The following SPTBN1 variants were observed in gnomAD, a reference collection of about 807,000 sequenced individuals.
The protein encoded by SPTBN1 is spectrin beta, non-erythrocytic 1.
A neutral mutation model predicts 266.4 loss-of-function variants in SPTBN1; 32 were observed. That is an observed-to-expected ratio of 0.12 (90% confidence interval 0.09 to 0.16). The LOEUF is 0.16. Among genes scored for constraint, SPTBN1 ranks in the 10% least tolerant of loss-of-function variants. The pLI, the probability that SPTBN1 is intolerant of heterozygous loss-of-function variation, is 1.00. For synonymous variants in SPTBN1, 1,336 were observed against 1,162.2 expected (o/e 1.15, Z -3.04); for missense variants, 2,296 against 3,067.1 (o/e 0.75, Z 5.94).
intron 1 of SPTBN1, among the ~76,000 whole-genome samples, chr2:54,498,466 A>G (rs115140859): frequency 0.041 from 6,188 of 152,274 alleles, 173 homozygotes; most frequent in Admixed American, 0.092. Context: ...CTTGGACAAC[A>G]TTCCCTGAGC....
intron 1 of SPTBN1, among the ~76,000 whole-genome samples, chr2:54,494,757 C>T (rs2104050005): frequency 6.6e-6 from 1 of 152,194 alleles, no homozygotes; most frequent in East Asian, 1.9e-4. Flanking sequence ...GGCCAGGAGG[C>T]ATGGACTCCA....
intron 31 of SPTBN1, 85 bp from the exon 32 acceptor site, chr2:54,659,851 G>A (rs1390507114): frequency 3.3e-6 from 5 of 1,510,842 alleles, no homozygotes; most frequent in Non-Finnish European, 4.4e-6. Context: ...AAAATTGAGT[G>A]ATGATGTTCT....
Position 54,646,495 on chromosome 2 carries a change from A to G in SPTBN1, c.4866+20A>G. 5 of 1,479,574 alleles carry G rather than the reference A, an allele frequency of 3.4e-6. No individual in the cohort carries two copies. Among genetic ancestry groups the G allele is most frequent in the Non-Finnish European group, 4.5e-6 (5 of 1,115,764 alleles). 91.7% of individuals were successfully genotyped at this position (1,479,574 alleles called of 1,614,324 possible). A position where few individuals can be genotyped will look rare whatever the true frequency, so the allele number is the denominator to read the frequency against. ...GCCAAGGTGAGAGGAGGCGGGAAGC[A>G]TCCCTGTCCCAGGAGAGCCTCAGAT... is the stretch of plus-strand genomic sequence containing the variant. On this transcript the variant is annotated intron_variant, in intron 23 of 35. Transcript: ENST00000356805. This position sits in a 1 kb window ranked among gnomAD's most constrained non-coding sequence, Gnocchi z 4.4.
At chr2:54,647,818 G>C (rs545194162) in intron 24 of SPTBN1, among the ~76,000 whole-genome samples, 16 of 152,304 alleles carry the variant, frequency 1.1e-4, no homozygotes, top group Middle Eastern at 3.4e-3. Flanking sequence ...ACTCCAGCCT[G>C]GGTGACAGAG....
At chr2:54,576,977 A>G (rs1305695388) in intron 2 of SPTBN1, among the ~76,000 whole-genome samples, 1 of 152,172 alleles carries the variant, frequency 6.6e-6, no homozygotes, top group African/African-American at 2.4e-5. Context: ...GCTTGGGGGT[A>G]GGGGTGTACA....
chr2:54,505,623 C>T (rs1417213590), intron 1 of SPTBN1, among the ~76,000 whole-genome samples: 1 of 152,244 alleles, frequency 6.6e-6, no homozygotes, highest in Admixed American at 6.5e-5. Context: ...GGGGTCCTAG[C>T]TCCTGGGCTG....
At chr2:54,539,329 A>G (rs890881517) in intron 2 of SPTBN1, among the ~76,000 whole-genome samples, 3 of 152,178 alleles carry the variant, frequency 2.0e-5, no homozygotes, top group Non-Finnish European at 2.9e-5. Flanking sequence ...TGTGATACCT[A>G]TTAAAGATTT....
In SPTBN1 at chr2:54,646,400, C is replaced by G; in HGVS notation, c.4791C>G (p.Tyr1597Ter). The G allele has an allele frequency of 6.2e-7, 1 of 1,608,086 alleles. No homozygotes were observed. Among genetic ancestry groups the G allele is most frequent in the Non-Finnish European group, 8.5e-7 (1 of 1,177,372 alleles). Residue 1597 changes from tyrosine to a stop codon, truncating the protein, a stop_gained, in exon 23 of 36, where the codon TAC becomes TAG. Coordinates refer to ENST00000356805, the MANE Select transcript of SPTBN1 (RefSeq NM_003128.3). LOFTEE classifies it high-confidence loss of function. The surrounding 1 kb of genome is among the most constrained non-coding windows in gnomAD (Gnocchi z 4.4). ...AGGAGGCGCACAGGGCCCAGCAGTA[C>G]TACTTTGACGCTGCTGAGGCCGAAG... The part of the protein sequence containing the change: ...RLEEAHRAQQ[Y>*]YFDAAEAEAW...
chr2:54,507,641 C>G (rs1166305205), intron 1 of SPTBN1, among the ~76,000 whole-genome samples: 1 of 151,616 alleles, frequency 6.6e-6, no homozygotes, highest in Non-Finnish European at 1.5e-5. Flanking sequence ...TTGGGAGGAC[C>G]CAGGACATCT....
chr2:54,612,392 T>C, intron 4 of SPTBN1, 58 bp downstream of exon 4: 1 of 1,543,504 alleles, frequency 6.5e-7, no homozygotes, highest in African/African-American at 1.4e-5. Context: ...GGTATGAGCA[T>C]TGTTATAGAG....
intron 17 of SPTBN1, among the ~76,000 whole-genome samples, chr2:54,637,408 C>G (rs948845196): frequency 6.6e-6 from 1 of 152,126 alleles, no homozygotes; most frequent in Non-Finnish European, 1.5e-5. Flanking sequence ...AGGACTTGTA[C>G]AAAGCGTGTG....
At position 54,526,523 on chromosome 2, in the gene SPTBN1, C is replaced by T. The variant is rs111350284; in HGVS notation, c.105C>T (p.Ser35=). The change falls in exon 2 of 36, where the codon AGC becomes AGT. Residue 35 remains serine, a synonymous_variant. Coordinates refer to ENST00000356805, the MANE Select transcript of SPTBN1 (RefSeq NM_003128.3). The part of the protein sequence containing the change: ...WDVDDWDNEN[S]SARLFERSRI... The stretch of plus-strand genomic sequence containing the variant: ...TCGACGACTGGGACAATGAGAACAG[C>T]TCTGCGCGGCTTTTTGAGCGGTCCC... 1.6e-4 allele frequency: 255 copies of T among 1,614,196 alleles called. 2 individuals are homozygous for T. The African/African-American group carries it at 2.9e-3, about 18-fold the overall frequency.
At chr2:54,599,007 G>A in intron 2 of SPTBN1, 85 bp from the exon 3 acceptor site, 1 of 1,522,548 alleles carries the variant, frequency 6.6e-7, no homozygotes, top group East Asian at 2.3e-5. Flanking sequence ...CCTTCCTCTG[G>A]CTGGGGTCTT....
rs1681545784 is a variant in SPTBN1, at chr2:54,668,646, T to G, written c.*77T>G. The G allele has an allele frequency of 7.6e-7, 1 of 1,319,410 alleles. No individual in the cohort carries two copies. Among genetic ancestry groups the G allele is most frequent in the African/African-American group, 1.5e-5 (1 of 66,634 alleles). The allele number at this position is 1,319,410 out of a possible 1,614,324, so 81.7% of individuals were successfully genotyped here. A position where few individuals can be genotyped will look rare whatever the true frequency, so the allele number is the denominator to read the frequency against. On this transcript the variant is annotated 3_prime_UTR_variant, in exon 36 of 36. Coordinates refer to ENST00000356805, the MANE Select transcript of SPTBN1 (RefSeq NM_003128.3). Reference sequence around the variant, plus strand: ...GCATGCAAGCTCAGAACCAACACATTACTCTCTGTGCCTAATGTTCCTCAA... The same window carrying G: ...GCATGCAAGCTCAGAACCAACACATGACTCTCTGTGCCTAATGTTCCTCAA...
At chr2:54,655,007 A>C in intron 27 of SPTBN1, 63 bp from the exon 28 acceptor site, 1 of 1,548,322 alleles carries the variant, frequency 6.5e-7, no homozygotes, top group South Asian at 1.2e-5. Flanking sequence ...TGTGTGTTTT[A>C]AAACCTACAC....
At chr2:54,557,925 C>T (rs2104455539) in intron 2 of SPTBN1, 1 of 985,400 alleles carries the variant, frequency 1.0e-6, no homozygotes, top group Non-Finnish European at 1.2e-6. Flanking sequence ...GTGGTTGGCG[C>T]CAGCGCACTG....
At chr2:54,458,473 C>T (rs772034164) in intron 1 of SPTBN1, among the ~76,000 whole-genome samples, 17 of 152,102 alleles carry the variant, frequency 1.1e-4, no homozygotes, top group Non-Finnish European at 2.5e-4. Flanking sequence ...ATTGAGGTAG[C>T]CAAGTTAAGT....
chr2:54,593,769 G>A (rs184340403), intron 2 of SPTBN1, among the ~76,000 whole-genome samples: 4 of 145,902 alleles, frequency 2.7e-5, no homozygotes, highest in Admixed American at 2.1e-4. Flanking sequence ...AAGGACTTGC[G>A]TTAGTTAGGA....
chr2:54,647,278 G>A lies in SPTBN1; in HGVS notation c.4997+17G>A. On this transcript the variant is annotated intron_variant, in intron 24 of 35. Transcript: ENST00000356805. ...TCCTGAAAGGTGAGCGCTGCTTCAT[G>A]AGTGTGAGACCCGGCTCTCGATTCC... 3.7e-6 allele frequency: 6 copies of A among 1,613,096 alleles called. No homozygotes were observed. The highest frequency in any genetic ancestry group is 5.1e-6 in the Non-Finnish European group (6 of 1,179,926).
Sources: allele counts gnomAD v4.1 joint callset (sites outside exome capture counted in the v4.1 genomes callset), GRCh38; gene constraint gnomAD v4.1.1; non-coding constraint Gnocchi (gnomAD v3.1); transcripts MANE v1.5; gene names NCBI Gene and HGNC (gene_info 2026-07-23, HGNC 2026-07-21).